The following PTPRD variants were observed in gnomAD, a reference collection of about 807,000 sequenced individuals.
PTPRD encodes protein tyrosine phosphatase receptor type D.
Under a neutral mutation model 214.5 loss-of-function variants are expected in PTPRD, and 34 were observed. That is an observed-to-expected ratio of 0.16 (90% CI 0.12 to 0.21). PTPRD has a LOEUF of 0.21. Ranked by LOEUF, PTPRD falls within the 10% of genes least tolerant of loss-of-function variation. The pLI is 1.00. For synonymous variants in PTPRD, 1,128 were observed against 845.7 expected (o/e 1.33, Z -5.79); for missense variants, 2,545 against 2,398.7 (o/e 1.06, Z -1.27).
chr9:8,843,108 CA>C (rs1194116909), intron 11 of PTPRD, among the ~76,000 whole-genome samples: 2 of 152,188 alleles, frequency 1.3e-5, no homozygotes, highest in African/African-American at 4.8e-5. Flanking sequence ...TATGCAGTCA[CA>C]ATGGCTGAAG....
At chr9:10,598,161 A>T (rs1477450703) in intron 2 of PTPRD, among the ~76,000 whole-genome samples, 7 of 151,794 alleles carry the variant, frequency 4.6e-5, no homozygotes, top group Non-Finnish European at 7.4e-5. Flanking sequence ...GATGTGAATT[A>T]TAACTGTAGA....
At chr9:8,907,821 C>T (rs2098719512) in intron 11 of PTPRD, among the ~76,000 whole-genome samples, 1 of 151,832 alleles carries the variant, frequency 6.6e-6, no homozygotes, top group African/African-American at 2.4e-5. Context: ...TGAGATAAAG[C>T]AAGTGTATTA....
At chr9:9,928,525 G>C (rs1475458946) in intron 5 of PTPRD, among the ~76,000 whole-genome samples, 7 of 151,996 alleles carry the variant, frequency 4.6e-5, no homozygotes, top group Admixed American at 4.6e-4. Flanking sequence ...CTTACACAAA[G>C]TAAAGAGATA....
At chr9:8,852,322 C>G (rs111289150) in intron 11 of PTPRD, among the ~76,000 whole-genome samples, 3 of 152,126 alleles carry the variant, frequency 2.0e-5, no homozygotes, top group Admixed American at 6.5e-5. Context: ...GGCAGAGTTA[C>G]GAGAGTTAAA....
At chr9:8,728,332 A>G (rs1288869676) in intron 12 of PTPRD, among the ~76,000 whole-genome samples, 1 of 152,240 alleles carries the variant, frequency 6.6e-6, no homozygotes, top group Non-Finnish European at 1.5e-5. Context: ...CTCATAATCT[A>G]AAACAAAAAC....
chr9:10,325,347 C>T (rs2096624344), intron 3 of PTPRD, among the ~76,000 whole-genome samples: 3 of 151,944 alleles, frequency 2.0e-5, no homozygotes, highest in African/African-American at 7.2e-5. Flanking sequence ...TGAGGCAGCA[C>T]TTAAATCCCC....
Position 9,644,839 on chromosome 9 carries a change from G to A in PTPRD, c.-286-70058C>T, listed in dbSNP as rs117675109. 8.8e-3 allele frequency among the ~76,000 whole-genome samples: 1,344 copies of A among 152,264 alleles called. 8 individuals carry two copies. The highest frequency in any genetic ancestry group is 0.011 in the Non-Finnish European group (761 of 68,028). On this transcript the variant is annotated intron_variant, in intron 7 of 45. Transcript: ENST00000381196. Reference sequence around the variant, plus strand: ...GAGAAGAAGCATCTCAACGTCAAGAGGAGAAGATTCTTTTCCCACTTCACC... The same window carrying A: ...GAGAAGAAGCATCTCAACGTCAAGAAGAGAAGATTCTTTTCCCACTTCACC...
intron 2 of PTPRD, among the ~76,000 whole-genome samples, chr9:10,355,701 C>T (rs1411000397): frequency 1.3e-5 from 2 of 152,072 alleles, no homozygotes; most frequent in African/African-American, 4.8e-5. Flanking sequence ...TGATCTTGAA[C>T]TCCCGACCTC....
intron 11 of PTPRD, among the ~76,000 whole-genome samples, chr9:8,802,926 C>T (rs1408034291): frequency 2.0e-5 from 3 of 151,928 alleles, no homozygotes; most frequent in African/African-American, 4.8e-5. Flanking sequence ...GTGGCACACA[C>T]CTGTAGTCTC....
At chr9:10,256,681 A>G (rs1468576283) in intron 3 of PTPRD, among the ~76,000 whole-genome samples, 1 of 152,138 alleles carries the variant, frequency 6.6e-6, no homozygotes, top group African/African-American at 2.4e-5. Flanking sequence ...CGTCCCATTA[A>G]AGTCTTAAGT....
rs1822414552 is a variant in PTPRD, at chr9:8,317,096, A to C, written c.*778T>G. The C allele has an allele frequency of 4.4e-6, 1 of 227,766 alleles. No homozygotes were observed. The highest frequency in any genetic ancestry group is 1.9e-4 in the South Asian group (1 of 5,398). 14.1% of individuals were successfully genotyped at this position (227,766 alleles called of 1,614,324 possible). On this transcript the variant is annotated 3_prime_UTR_variant, in exon 46 of 46. Transcript: ENST00000381196. ...AATGGGTACTTTCTCACCAATCAAA[A>C]CTGAAGTGTAAAATTAATATATCTG...
intron 8 of PTPRD, among the ~76,000 whole-genome samples, chr9:9,524,892 C>A (rs1346061077): frequency 6.6e-6 from 1 of 152,066 alleles, no homozygotes; most frequent in Non-Finnish European, 1.5e-5. Context: ...GAGTCTCGCT[C>A]TGTTGCCCAG....
chr9:9,351,648 G>A (rs2051204398), intron 9 of PTPRD, among the ~76,000 whole-genome samples: 1 of 151,996 alleles, frequency 6.6e-6, no homozygotes, highest in Non-Finnish European at 1.5e-5. Context: ...GTTAGCTGAG[G>A]AATAAAGAAG....
intron 11 of PTPRD, among the ~76,000 whole-genome samples, chr9:8,777,075 G>C (rs2095515610): frequency 6.6e-6 from 1 of 151,256 alleles, no homozygotes; most frequent in South Asian, 2.1e-4. Flanking sequence ...CAACCTCCTA[G>C]CCTCAAGAGA....
intron 7 of PTPRD, among the ~76,000 whole-genome samples, chr9:9,678,123 C>T (rs889331586): frequency 2.1e-4 from 32 of 151,970 alleles, no homozygotes; most frequent in Admixed American, 3.3e-4. Flanking sequence ...GAATCAATAT[C>T]GTGAAAATGG....
chr9:8,775,386 T>C (rs1427923275), intron 11 of PTPRD, among the ~76,000 whole-genome samples: 1 of 152,116 alleles, frequency 6.6e-6, no homozygotes, highest in East Asian at 1.9e-4. Flanking sequence ...TGCTGTGGAC[T>C]AGGAAATAAA....
intron 11 of PTPRD, among the ~76,000 whole-genome samples, chr9:8,824,725 A>C (rs1490161234): frequency 6.6e-6 from 1 of 152,190 alleles, no homozygotes; most frequent in East Asian, 1.9e-4. Context: ...CCAGATTTTT[A>C]CATTACTTAT....
Position 8,517,085 on chromosome 9 carries a change from C to T in PTPRD, c.1543+763G>A, listed in dbSNP as rs150770347. Among the ~76,000 whole-genome samples, 1,116 of 152,144 alleles carry T rather than the reference C, an allele frequency of 7.3e-3. 12 individuals are homozygous for T. Among genetic ancestry groups the T allele is most frequent in the African/African-American group, 0.025 (1,058 of 41,500 alleles). On this transcript the variant is annotated intron_variant, in intron 21 of 45. Transcript: ENST00000381196. The stretch of plus-strand genomic sequence containing the variant: ...CTCCCAAAAGTGTTGGGATTACAGG[C>T]GTGAGCCACTGTGCGTGGCTCAAGA...
chr9:9,827,708 G>T (rs913086097), intron 5 of PTPRD, among the ~76,000 whole-genome samples: 11 of 152,086 alleles, frequency 7.2e-5, no homozygotes, highest in South Asian at 6.2e-4. Context: ...ACTATCATCA[G>T]AATGAACAGA....
Sources: allele counts gnomAD v4.1 joint callset (sites outside exome capture counted in the v4.1 genomes callset), GRCh38; gene constraint gnomAD v4.1.1; transcripts MANE v1.5; gene names NCBI Gene and HGNC (gene_info 2026-07-23, HGNC 2026-07-21).